Variants in ACO1 observed in about 807,000 individuals in gnomAD.
ACO1 encodes aconitase 1.
A neutral mutation model predicts 105.1 loss-of-function variants in ACO1; 78 were observed. The ratio of observed to expected loss-of-function variants is 0.74; its 90% CI spans 0.62 to 0.90. ACO1 has a LOEUF of 0.90. Ranked by LOEUF, ACO1 falls within the 40% of genes least tolerant of loss-of-function variation. The pLI is 0.00. For missense variants in ACO1, 965 were observed against 1,111.1 expected (o/e 0.87, Z 1.87); for synonymous variants, 364 against 397.4 (o/e 0.92, Z 1.00).
chr9:32,448,929 C>A lies in ACO1; in HGVS notation c.2404C>A (p.Arg802Ser). 1.9e-6 allele frequency: 3 copies of A among 1,614,192 alleles called. No homozygotes were observed. Among genetic ancestry groups the A allele is most frequent in the Non-Finnish European group, 2.5e-6 (3 of 1,180,042 alleles). The stretch of plus-strand genomic sequence containing the variant: ...AGCCGTCCTGGCCGAGAGCTACGAG[C>A]GCATTCACCGCAGTAACCTGGTTGG... ...IKAVLAESYE[R>S]IHRSNLVGMG... Residue 802 changes from arginine to serine, a missense_variant, in exon 20 of 21, where the codon CGC (arginine) becomes AGC (serine). Coordinates refer to ENST00000309951, the MANE Select transcript of ACO1 (RefSeq NM_002197.3).
chr9:32,407,927 C>T (rs1272045559), intron 3 of ACO1, among the ~76,000 whole-genome samples: 1 of 152,140 alleles, frequency 6.6e-6, no homozygotes, highest in Non-Finnish European at 1.5e-5. Context: ...ATCCTTGCTC[C>T]CCATTGCAGC....
In ACO1 at chr9:32,418,154, A is replaced by T. The variant is rs1680946375; in HGVS notation, c.431A>T (p.Asp144Val). The change falls in exon 5 of 21, where the codon GAC becomes GTC. Residue 144 changes from aspartate to valine, a missense_variant. Transcript: ENST00000309951. Reference sequence around the variant, plus strand: ...GCAGACAGTTTACAGAAGAATCAAGACCTGGAATTTGAAAGAAATAGAGAG... The same window carrying T: ...GCAGACAGTTTACAGAAGAATCAAGTCCTGGAATTTGAAAGAAATAGAGAG... ...RRADSLQKNQDLEFERNRERF... is the reference protein window; with the variant it reads ...RRADSLQKNQVLEFERNRERF... The T allele has an allele frequency of 6.2e-7, 1 of 1,614,092 alleles. No individual in the cohort carries two copies. The highest frequency in any genetic ancestry group is 1.3e-5 in the African/African-American group (1 of 74,944).
chr9:32,417,515 C>G (rs897867232), intron 4 of ACO1, among the ~76,000 whole-genome samples: 1 of 152,180 alleles, frequency 6.6e-6, no homozygotes, highest in Non-Finnish European at 1.5e-5. Flanking sequence ...CCTAGAAAAT[C>G]TTGGTGCCCT....
At chr9:32,419,013 C>T (rs1479228110) in intron 6 of ACO1, 25 bp from the exon 7 acceptor site, 5 of 1,559,250 alleles carry the variant, frequency 3.2e-6, no homozygotes, top group African/African-American at 1.4e-5. Flanking sequence ...TGAAGGCATT[C>T]TTCCGGTCAT....
At chr9:32,405,981 C>CT (rs1821601480) in intron 2 of ACO1, among the ~76,000 whole-genome samples, 1 of 152,168 alleles carries the variant, frequency 6.6e-6, no homozygotes. Flanking sequence ...AGAACACAGT[C>CT]TTTTTTATTC....
chr9:32,423,622 A>G (rs1032222334), intron 9 of ACO1, among the ~76,000 whole-genome samples: 9 of 152,262 alleles, frequency 5.9e-5, no homozygotes, highest in Non-Finnish European at 1.2e-4. Flanking sequence ...TTACATTCCT[A>G]CTGGCTTAAT....
chr9:32,448,788 C>G (rs1444375924), intron 19 of ACO1, 108 bp from the exon 20 acceptor site: 2 of 1,136,884 alleles, frequency 1.8e-6, no homozygotes, highest in Non-Finnish European at 2.6e-6. Flanking sequence ...CAGACTGGAG[C>G]TGTTCCTATT....
chr9:32,433,978 T>A (rs1016174127), intron 16 of ACO1, 146 bp downstream of exon 16: 1 of 680,772 alleles, frequency 1.5e-6, no homozygotes, highest in African/African-American at 1.8e-5. Flanking sequence ...GGGGAAAGTT[T>A]TGGGAGGCTG....
chr9:32,404,334 C>T (rs996042187), intron 1 of ACO1, among the ~76,000 whole-genome samples: 27 of 152,180 alleles, frequency 1.8e-4, no homozygotes, highest in Non-Finnish European at 3.5e-4. Flanking sequence ...AATCCCTCCG[C>T]CCCTTTTTTC....
intron 4 of ACO1, among the ~76,000 whole-genome samples, chr9:32,417,521 G>A (rs1002967999): frequency 6.6e-6 from 1 of 152,158 alleles, no homozygotes; most frequent in Non-Finnish European, 1.5e-5. Flanking sequence ...AAATCTTGGT[G>A]CCCTGTGTTG....
At chr9:32,418,084 TGTTAA>T (rs1172374638) in intron 4 of ACO1, 39 bp from the exon 5 acceptor site, 2 of 1,574,674 alleles carry the variant, frequency 1.3e-6, no homozygotes, top group Non-Finnish European at 1.7e-6. Flanking sequence ...ACCACTAATA[TGTTAA>T]GTCTCAAATT....
Position 32,450,286 on chromosome 9 carries a change from T to G in ACO1, c.*175T>G. On this transcript the variant is annotated 3_prime_UTR_variant, in exon 21 of 21. Coordinates refer to ENST00000309951, the MANE Select transcript of ACO1 (RefSeq NM_002197.3). ...AGGCACAAAACCAGAAGTTTCTACA[T>G]TCTCTATTTTTGTTAATCATCTTCT... The G allele has an allele frequency of 1.4e-6, 1 of 703,898 alleles. No individual in the cohort carries two copies. The highest frequency in any genetic ancestry group is 1.8e-5 in the African/African-American group (1 of 56,884). 43.6% of individuals were successfully genotyped at this position (703,898 alleles called of 1,614,324 possible).
intron 18 of ACO1, 76 bp downstream of exon 18, chr9:32,436,473 C>T (rs1337223523): frequency 9.6e-6 from 15 of 1,565,180 alleles, no homozygotes; most frequent in South Asian, 6.7e-5. Context: ...TACAGTTACT[C>T]GCCTTTTGGT....
At chr9:32,409,440 C>T (rs1335261928) in intron 4 of ACO1, among the ~76,000 whole-genome samples, 1 of 152,128 alleles carries the variant, frequency 6.6e-6, no homozygotes, top group East Asian at 1.9e-4. Context: ...ACCTAATGGT[C>T]TATGACACCT....
intron 1 of ACO1, among the ~76,000 whole-genome samples, chr9:32,385,443 C>G (rs1821138873): frequency 6.6e-6 from 1 of 152,136 alleles, no homozygotes; most frequent in Non-Finnish European, 1.5e-5. Flanking sequence ...TCTTAAGGAG[C>G]TTTTATGTGT....
intron 18 of ACO1, among the ~76,000 whole-genome samples, chr9:32,438,483 T>C (rs1256040624): frequency 6.6e-6 from 1 of 152,208 alleles, no homozygotes; most frequent in Admixed American, 6.5e-5. Flanking sequence ...GGAACGGGAC[T>C]GAGAGCTCCA....
At chr9:32,412,932 A>G (rs548787389) in intron 4 of ACO1, among the ~76,000 whole-genome samples, 1 of 152,196 alleles carries the variant, frequency 6.6e-6, no homozygotes, top group South Asian at 2.1e-4. Flanking sequence ...GAATTGTAAT[A>G]TAGTTTTCAT....
At chr9:32,430,102 C>T (rs1239600694) in intron 13 of ACO1, among the ~76,000 whole-genome samples, 2 of 152,192 alleles carry the variant, frequency 1.3e-5, no homozygotes, top group Non-Finnish European at 2.9e-5. Flanking sequence ...ATTGTGACTT[C>T]CTTTAACGAT....
intron 17 of ACO1, 25 bp from the exon 18 acceptor site, chr9:32,436,225 G>A (rs1262945553): frequency 6.2e-7 from 1 of 1,613,412 alleles, no homozygotes; most frequent in African/African-American, 1.3e-5. Context: ...CACTAAGCCA[G>A]CTCCTTTCTT....
Sources: gnomAD v4.1 joint callset for allele counts (sites outside exome capture counted in the v4.1 genomes callset) on GRCh38, gnomAD v4.1.1 for gene constraint, MANE v1.5 for transcripts, NCBI Gene and HGNC (gene_info 2026-07-23, HGNC 2026-07-21) for gene names.